Variants in ESYT2 observed in about 807,000 individuals in gnomAD.
ESYT2 encodes the protein extended synaptotagmin-2.
In ESYT2, 54 loss-of-function variants were observed where a neutral mutation model predicts 107.2. The ratio of observed to expected loss-of-function variants is 0.50; its 90% CI spans 0.40 to 0.63. The LOEUF is 0.63. ESYT2 is among the 30% of genes least tolerant of loss of function. The pLI is 0.00. For missense variants in ESYT2, 1,020 were observed against 1,094.5 expected, an observed-to-expected ratio of 0.93 and a Z score of 0.96; for synonymous variants, 491 against 434.1, an observed-to-expected ratio of 1.13 and a Z score of -1.63.
Position 158,743,537 on chromosome 7 carries a change from C to A in ESYT2, c.1786G>T (p.Ala596Ser). The A allele has an allele frequency of 6.2e-7, 1 of 1,611,052 alleles. No homozygotes were observed. The highest frequency in any genetic ancestry group is 8.5e-7 in the Non-Finnish European group (1 of 1,179,034). Reference sequence around the variant, plus strand: ...GCAGGACGACACGATACCCGCAGGGCAATCTTCATCTTGATGGTGCTGTTT... The same window carrying A: ...GCAGGACGACACGATACCCGCAGGGAAATCTTCATCTTGATGGTGCTGTTT... ...GPNSTIKMKI[A>S]LRVLHLEKRE... is the part of the protein sequence containing the mutation. The change falls in exon 17 of 23, where the codon GCC (alanine) becomes TCC (serine). Residue 596 changes from alanine (A) to serine (S), a missense_variant. Coordinates refer to ENST00000275418, the MANE Select transcript of ESYT2 (RefSeq NM_001367773.1).
At chr7:158,741,968 GA>G in intron 17 of ESYT2, 72 bp from the exon 18 acceptor site, 2 of 1,463,146 alleles carry the variant, frequency 1.4e-6, no homozygotes, top group Non-Finnish European at 1.8e-6. Context: ...AACAGCCTGG[GA>G]TGTCTTTACC....
At chr7:158,793,611 C>A (rs1249824300) in intron 4 of ESYT2, 39 bp downstream of exon 4, 15 of 1,450,974 alleles carry the variant, frequency 1.0e-5, no homozygotes, top group Non-Finnish European at 1.4e-5. Flanking sequence ...ACATTACACG[C>A]CATTAACCAT....
chr7:158,745,196 C>T (rs973128637), intron 16 of ESYT2, among the ~76,000 whole-genome samples: 8 of 148,390 alleles, frequency 5.4e-5, no homozygotes, highest in Non-Finnish European at 1.0e-4. Flanking sequence ...CGGCTGTTCA[C>T]ACTCACCTAT....
At chr7:158,754,933 T>A (rs1197086732) in intron 13 of ESYT2, among the ~76,000 whole-genome samples, 1 of 152,112 alleles carries the variant, frequency 6.6e-6, no homozygotes, top group Non-Finnish European at 1.5e-5. Flanking sequence ...TCCTGGAAAG[T>A]GCTCAGTAAG....
At chr7:158,792,764 GTTTTTTTT>G (rs35348712) in intron 4 of ESYT2, among the ~76,000 whole-genome samples, 1 of 117,782 alleles carries the variant, frequency 8.5e-6, no homozygotes, top group African/African-American at 3.3e-5. Flanking sequence ...ATAACGTGGG[GTTTTTTTT>G]TTTTTTTTTT....
At chr7:158,740,499 C>T (rs1310319574) in intron 18 of ESYT2, among the ~76,000 whole-genome samples, 1 of 152,142 alleles carries the variant, frequency 6.6e-6, no homozygotes, top group Non-Finnish European at 1.5e-5. Context: ...CGTCTCAAAG[C>T]CTCATGCAAG....
chr7:158,799,156 C>T (rs1285447474), intron 1 of ESYT2, 84 bp from the exon 2 acceptor site: 2 of 1,227,980 alleles, frequency 1.6e-6, no homozygotes, highest in Non-Finnish European at 2.4e-6. Context: ...ATATTCTCAT[C>T]ATACGTCCTA....
chr7:158,818,926 C>A (rs1424852444), intron 1 of ESYT2, among the ~76,000 whole-genome samples: 2 of 152,216 alleles, frequency 1.3e-5, no homozygotes, highest in African/African-American at 4.8e-5. Context: ...AAGGGCAGCC[C>A]CACTCGCACG....
chr7:158,826,378 C>T (rs1211613991), intron 1 of ESYT2, among the ~76,000 whole-genome samples: 3 of 152,036 alleles, frequency 2.0e-5, no homozygotes, highest in African/African-American at 7.3e-5. Context: ...ATTATGAGCT[C>T]AAGTACAAAT....
At chr7:158,748,703 CT>C (rs1376130677) in intron 15 of ESYT2, among the ~76,000 whole-genome samples, 2,933 of 146,830 alleles carry the variant, frequency 0.02, 93 homozygotes, top group African/African-American at 0.069. Flanking sequence ...CAATTTCTTT[CT>C]TTTTTTTTTT....
chr7:158,765,216 T>C (rs542244367), intron 8 of ESYT2, among the ~76,000 whole-genome samples: 1 of 152,008 alleles, frequency 6.6e-6, no homozygotes, highest in African/African-American at 2.4e-5. Flanking sequence ...CACAGTACCA[T>C]GCTTATCTCA....
intron 1 of ESYT2, among the ~76,000 whole-genome samples, chr7:158,809,305 A>C (rs769684833): frequency 3.3e-5 from 5 of 151,834 alleles, no homozygotes; most frequent in Non-Finnish European, 5.9e-5. Context: ...GTGAAACCCC[A>C]TCTCTACTAA....
At chr7:158,799,410 T>C (rs985443932) in intron 1 of ESYT2, among the ~76,000 whole-genome samples, 1 of 152,156 alleles carries the variant, frequency 6.6e-6, no homozygotes, top group African/African-American at 2.4e-5. Context: ...AAAAAACATG[T>C]TTCTAATTTG....
intron 1 of ESYT2, among the ~76,000 whole-genome samples, chr7:158,825,110 T>A (rs751093153): frequency 6.6e-6 from 1 of 152,142 alleles, no homozygotes. Flanking sequence ...CTGGCCAACA[T>A]GGTGAAACCC....
At chr7:158,809,263 G>A (rs556554485) in intron 1 of ESYT2, among the ~76,000 whole-genome samples, 2 of 151,942 alleles carry the variant, frequency 1.3e-5, no homozygotes, top group East Asian at 1.9e-4. Flanking sequence ...GGATCACAAC[G>A]TCAAGAGATC....
intron 16 of ESYT2, among the ~76,000 whole-genome samples, chr7:158,746,882 T>A (rs1327754245): frequency 6.6e-6 from 1 of 151,760 alleles, no homozygotes; most frequent in Non-Finnish European, 1.5e-5. Context: ...ATAAAATAAT[T>A]CTCTACAAAA....
intron 16 of ESYT2, among the ~76,000 whole-genome samples, chr7:158,746,229 GACACACAC>G (rs55828446): frequency 0.012 from 1,743 of 148,010 alleles, 29 homozygotes; most frequent in African/African-American, 0.041. Context: ...TACATAAATA[GACACACAC>G]ACACACACAC....
At chr7:158,770,643 T>C (rs1358707145) in intron 7 of ESYT2, among the ~76,000 whole-genome samples, 1 of 151,768 alleles carries the variant, frequency 6.6e-6, no homozygotes, top group Non-Finnish European at 1.5e-5. Context: ...GCCTCCCGAG[T>C]AGCTGGGACT....
In ESYT2 at chr7:158,731,364, C is replaced by T. The variant is rs1139135; in HGVS notation, c.*2843G>A. 24,623 of 152,238 alleles carry T rather than the reference C, an allele frequency of 0.16. 3,250 individuals are homozygous for T. The highest frequency in any genetic ancestry group is 0.56 in the East Asian group (2,903 of 5,162). The allele number at this position is 152,238 out of a possible 1,614,324, so 9.4% of individuals were successfully genotyped here. On this transcript the variant is annotated 3_prime_UTR_variant, in exon 23 of 23. Transcript: ENST00000275418. ...TTGCCCAGGCTGGAGTGCAGTGGTG[C>T]GATCTTGGCTCACTGCAACCTCCGC... is the stretch of plus-strand genomic sequence containing the variant.
Sources: gnomAD v4.1 joint callset for allele counts (sites outside exome capture counted in the v4.1 genomes callset) on GRCh38, gnomAD v4.1.1 for gene constraint, MANE v1.5 for transcripts, NCBI Gene and HGNC (gene_info 2026-07-23, HGNC 2026-07-21) for gene names.